Variants in ANKRD62 observed in about 807,000 individuals in gnomAD.
ANKRD62 encodes the protein ankyrin repeat domain 62, also known as ankyrin repeat domain-containing protein 62.
In ANKRD62, 61 loss-of-function variants were observed where a neutral mutation model predicts 98.8. The observed-to-expected ratio is 0.62, with a 90% CI of 0.50 to 0.76. ANKRD62 has a LOEUF of 0.76. ANKRD62 is among the 30% of genes least tolerant of loss of function. ANKRD62 has a pLI of 0.00. For synonymous variants in ANKRD62, 341 were observed against 367.9 expected (o/e 0.93, Z 0.84); for missense variants, 933 against 1,082.9 (o/e 0.86, Z 1.94).
At chr18:12,140,609 C>G in the ANKRD62 span, among the ~76,000 whole-genome samples, 1 of 152,190 alleles carries the variant, frequency 6.6e-6, no homozygotes, top group African/African-American at 2.4e-5. Flanking sequence ...TACTGGAGGT[C>G]CACTCCAGAC....
chr18:12,108,109 C>T (rs993346300), intron 8 of ANKRD62, among the ~76,000 whole-genome samples: 7 of 152,012 alleles, frequency 4.6e-5, no homozygotes, highest in Non-Finnish European at 8.8e-5. Context: ...ACTATGCAAC[C>T]CTCTTATAAA....
At chr18:12,135,359 A>G in the ANKRD62 span, among the ~76,000 whole-genome samples, 1 of 151,324 alleles carries the variant, frequency 6.6e-6, no homozygotes, top group Non-Finnish European at 1.5e-5. Context: ...ATGTCCCTAC[A>G]TAGGACATGA....
chr18:12,163,130 T>A, the ANKRD62 span, among the ~76,000 whole-genome samples: 128,329 of 151,966 alleles, frequency 0.84, 54,619 homozygotes, highest in Middle Eastern at 0.97. Context: ...AACAACATTG[T>A]CTCTTCCAAT....
chr18:12,160,179 T>C, the ANKRD62 span, among the ~76,000 whole-genome samples: 1 of 152,204 alleles, frequency 6.6e-6, no homozygotes, highest in Non-Finnish European at 1.5e-5. Context: ...ATCATAGGGC[T>C]GCTCAATGTC....
chr18:12,107,436 T>A lies in ANKRD62; in HGVS notation c.1033T>A (p.Ser345Thr). 6.6e-7 allele frequency: 1 copy of A among 1,510,552 alleles called. No individual in the cohort carries two copies. The highest frequency in any genetic ancestry group is 8.8e-7 in the Non-Finnish European group (1 of 1,134,872). The allele number at this position is 1,510,552 out of a possible 1,614,324, so 93.6% of individuals were successfully genotyped here. Residue 345 changes from serine (S) to threonine (T), a missense_variant, in exon 8 of 14, where the codon TCT becomes ACT. Coordinates refer to ENST00000587848, the MANE Select transcript of ANKRD62 (RefSeq NM_001277333.2). ...IKNRKPDNHQ[S>T]PGKENGEFDR... is the part of the protein sequence containing the mutation. ...GAACAGAAAACCTGATAATCATCAATCTCCTGGGAAGGAGAATGGCGAGTT... is the reference window on the plus strand; with the variant it reads ...GAACAGAAAACCTGATAATCATCAAACTCCTGGGAAGGAGAATGGCGAGTT...
the ANKRD62 span, among the ~76,000 whole-genome samples, chr18:12,181,192 A>G: frequency 6.6e-6 from 1 of 152,084 alleles, no homozygotes; most frequent in Non-Finnish European, 1.5e-5. Context: ...AACTAAAATC[A>G]GATAAGGTAA....
chr18:12,126,515 C>T, intron 13 of ANKRD62, 132 bp downstream of exon 13: 2 of 968,006 alleles, frequency 2.1e-6, no homozygotes, highest in South Asian at 2.0e-5. Flanking sequence ...GCTATATCAC[C>T]TTAGAAACGG....
At chr18:12,129,912 G>T (rs1295486940), downstream of ANKRD62, among the ~76,000 whole-genome samples, 2 of 152,000 alleles carry the variant, frequency 1.3e-5, no homozygotes, top group Admixed American at 1.3e-4. Flanking sequence ...ACACCTAAAG[G>T]TTGTTTTTAA....
At chr18:12,138,730 C>T in the ANKRD62 span, among the ~76,000 whole-genome samples, 3 of 152,166 alleles carry the variant, frequency 2.0e-5, no homozygotes, top group Non-Finnish European at 4.4e-5. Context: ...CTGGGTGCTC[C>T]TGTATTGGGT....
chr18:12,126,031 T>G lies in ANKRD62; in HGVS notation c.2210T>G (p.Met737Arg). Residue 737 changes from methionine (M) to arginine (R), a missense_variant, in exon 13 of 14, where the codon ATG becomes AGG. By Grantham distance (91) the Met-to-Arg change is moderately conservative (BLOSUM62 -1). Around this residue, in one of 3 missense-constraint regions of ANKRD62, gnomAD observed 362 missense variants for 434.5 expected, o/e 0.83. Transcript: ENST00000587848. ...LKEKTLHIEH[M>R]QGVLSRTQRR... ...GAAAAGACGTTGCATATAGAACACATGCAAGGAGTCCTAAGCCGAACACAG... is the reference window on the plus strand; with the variant it reads ...GAAAAGACGTTGCATATAGAACACAGGCAAGGAGTCCTAAGCCGAACACAG... 6.5e-7 allele frequency: 1 copy of G among 1,536,376 alleles called. No individual in the cohort carries two copies. Among genetic ancestry groups the G allele is most frequent in the Non-Finnish European group, 8.7e-7 (1 of 1,146,910 alleles).
the ANKRD62 span, among the ~76,000 whole-genome samples, chr18:12,180,990 C>A: frequency 6.8e-6 from 1 of 146,942 alleles, no homozygotes. Flanking sequence ...CTTCCTGTGT[C>A]CATGTGTTCT....
At chr18:12,167,473 T>C in the ANKRD62 span, among the ~76,000 whole-genome samples, 4 of 152,224 alleles carry the variant, frequency 2.6e-5, no homozygotes, top group Non-Finnish European at 5.9e-5. Flanking sequence ...ACTCATCCTT[T>C]TTTATGGCTG....
intron 11 of ANKRD62, among the ~76,000 whole-genome samples, chr18:12,123,271 C>T (rs1366279803): frequency 1.3e-5 from 2 of 151,212 alleles, no homozygotes; most frequent in Non-Finnish European, 2.9e-5. Context: ...CCAGACTGGT[C>T]TCAAACTCCT....
chr18:12,097,177 T>A (rs982472020), intron 4 of ANKRD62, among the ~76,000 whole-genome samples: 22 of 152,214 alleles, frequency 1.4e-4, no homozygotes, highest in African/African-American at 5.3e-4. Flanking sequence ...GTGCCTCGCA[T>A]ATGATTATCA....
the ANKRD62 span, among the ~76,000 whole-genome samples, chr18:12,170,282 C>G: frequency 6.6e-6 from 1 of 152,096 alleles, no homozygotes; most frequent in Non-Finnish European, 1.5e-5. Flanking sequence ...CATAAATTTC[C>G]CTCTACACAC....
At chr18:12,168,796 C>T in the ANKRD62 span, among the ~76,000 whole-genome samples, 8 of 152,104 alleles carry the variant, frequency 5.3e-5, no homozygotes, top group Admixed American at 3.3e-4. Context: ...TTGTTTGTGT[C>T]CTCTTTTATT....
intron 4 of ANKRD62, among the ~76,000 whole-genome samples, chr18:12,097,095 CAA>C (rs1411232629): frequency 6.6e-6 from 1 of 151,988 alleles, no homozygotes; most frequent in Non-Finnish European, 1.5e-5. Flanking sequence ...CTTTATGAAA[CAA>C]GAGGATAATA....
the ANKRD62 span, among the ~76,000 whole-genome samples, chr18:12,158,690 A>AT: frequency 0.78 from 103,029 of 132,380 alleles, 41,623 homozygotes; most frequent in Non-Finnish European, 0.9. Context: ...TGCCTGGCTA[A>AT]TTTTTTTTTT....
the ANKRD62 span, among the ~76,000 whole-genome samples, chr18:12,166,560 C>G: frequency 2.1e-3 from 319 of 151,062 alleles, no homozygotes; most frequent in African/African-American, 6.9e-3. Flanking sequence ...TTTTAGTTTC[C>G]TCGAAACACC....
Sources: gnomAD v4.1 joint callset for allele counts (sites outside exome capture counted in the v4.1 genomes callset) on GRCh38, gnomAD v4.1.1 for gene constraint, gnomAD v4.1.1 regional missense constraint, MANE v1.5 for transcripts, NCBI Gene and HGNC (gene_info 2026-07-23, HGNC 2026-07-21) for gene names.